Variants in MARK1 observed in about 807,000 individuals in gnomAD.
The protein encoded by MARK1 is microtubule affinity regulating kinase 1, also known as serine/threonine-protein kinase MARK1.
MARK1 carries 40 observed loss-of-function variants against 96.3 expected under a neutral mutation model. The ratio of observed to expected loss-of-function variants is 0.42; its 90% CI spans 0.32 to 0.54. The LOEUF (loss-of-function observed/expected upper bound fraction) is 0.54, where lower values mean the gene tolerates loss of function less well. MARK1 is among the 20% of genes least tolerant of loss of function. The pLI is 0.16. For missense variants in MARK1, 719 were observed against 984.6 expected (o/e 0.73, Z 3.61); for synonymous variants, 317 against 341.2 (o/e 0.93, Z 0.78).
chr1:220,598,398 TTATA>T lies in MARK1; in HGVS notation c.358+36_358+39del, dbSNP rs5781180. ...AATATAGGTATGAAATATATATATA[TTATA>T]TATATATATATATATAATTAGCGAT... On this transcript the variant is annotated intron_variant, in intron 4 of 17. Coordinates refer to ENST00000366917, the MANE Select transcript of MARK1 (RefSeq NM_018650.5). The T allele has an allele frequency of 8.9e-5, 19 of 213,778 alleles. No individual in the cohort carries two copies. Among genetic ancestry groups the T allele is most frequent in the East Asian group, 1.6e-4 (1 of 6,346 alleles). 13.2% of individuals were successfully genotyped at this position (213,778 alleles called of 1,614,324 possible).
At chr1:220,656,051 T>C (rs527790087) in intron 16 of MARK1, among the ~76,000 whole-genome samples, 1 of 152,346 alleles carries the variant, frequency 6.6e-6, no homozygotes, top group Admixed American at 6.5e-5. Flanking sequence ...TTTCTAACCA[T>C]AGCTCATTCT....
intron 1 of MARK1, among the ~76,000 whole-genome samples, chr1:220,554,946 A>G (rs981236283): frequency 6.6e-6 from 1 of 152,228 alleles, no homozygotes; most frequent in African/African-American, 2.4e-5. Flanking sequence ...GGTAAGCCCA[A>G]GCAGTTCTAA....
chr1:220,607,695 TG>T (rs1223560717), intron 6 of MARK1, among the ~76,000 whole-genome samples: 1 of 152,162 alleles, frequency 6.6e-6, no homozygotes, highest in Non-Finnish European at 1.5e-5. Context: ...GCTGTGGGTT[TG>T]TCATAAATAG....
At chr1:220,613,756 C>G (rs1174726112) in intron 6 of MARK1, among the ~76,000 whole-genome samples, 1 of 152,092 alleles carries the variant, frequency 6.6e-6, no homozygotes, top group African/African-American at 2.4e-5. Flanking sequence ...AAATTTTCAT[C>G]ATTAGAACCT....
chr1:220,530,473 C>T (rs938891342), intron 1 of MARK1, among the ~76,000 whole-genome samples: 1 of 152,066 alleles, frequency 6.6e-6, no homozygotes, highest in African/African-American at 2.4e-5. Flanking sequence ...CAGATGATAA[C>T]CTTTGTTTTT....
At chr1:220,608,268 C>A (rs1277651020) in intron 6 of MARK1, among the ~76,000 whole-genome samples, 1 of 152,144 alleles carries the variant, frequency 6.6e-6, no homozygotes, top group Non-Finnish European at 1.5e-5. Context: ...CAACGTACTC[C>A]TCGTTTAGTC....
chr1:220,649,228 T>C (rs1246820743), intron 13 of MARK1, among the ~76,000 whole-genome samples: 1 of 131,530 alleles, frequency 7.6e-6, no homozygotes, highest in Non-Finnish European at 1.5e-5. Context: ...GGACCAAGTC[T>C]TTTTTTTTTT....
intron 9 of MARK1, among the ~76,000 whole-genome samples, chr1:220,624,078 A>AC (rs1667185487): frequency 6.6e-6 from 1 of 152,120 alleles, no homozygotes; most frequent in Admixed American, 6.5e-5. Flanking sequence ...GGGGCGGATC[A>AC]CCTAAGGTCA....
intron 5 of MARK1, among the ~76,000 whole-genome samples, chr1:220,602,687 T>C (rs968535270): frequency 6.6e-6 from 1 of 152,144 alleles, no homozygotes; most frequent in Admixed American, 6.5e-5. Flanking sequence ...GAGCATCCAT[T>C]CATTTCTCTG....
At chr1:220,561,986 A>G (rs1185865023) in intron 1 of MARK1, among the ~76,000 whole-genome samples, 1 of 152,214 alleles carries the variant, frequency 6.6e-6, no homozygotes, top group African/African-American at 2.4e-5. Flanking sequence ...TCCTTTTAAG[A>G]GAGAACATTT....
intron 3 of MARK1, among the ~76,000 whole-genome samples, chr1:220,594,912 G>A (rs1243188494): frequency 6.6e-6 from 1 of 152,180 alleles, no homozygotes; most frequent in Non-Finnish European, 1.5e-5. Flanking sequence ...AGCAGTGTTA[G>A]TATTAGTCTA....
At chr1:220,604,178 T>C (rs1365970213) in intron 6 of MARK1, 41 bp downstream of exon 6, 1 of 1,378,476 alleles carries the variant, frequency 7.3e-7, no homozygotes, top group Non-Finnish European at 1.0e-6. Flanking sequence ...CTGATAATTG[T>C]AGCGATGTAC....
intron 1 of MARK1, among the ~76,000 whole-genome samples, chr1:220,530,561 A>G (rs1000634454): frequency 7.9e-5 from 12 of 152,218 alleles, no homozygotes; most frequent in Non-Finnish European, 1.6e-4. Context: ...GATTTTGAAT[A>G]GTATAGCTTT....
intron 13 of MARK1, among the ~76,000 whole-genome samples, chr1:220,644,174 T>C (rs1049484297): frequency 4.6e-5 from 7 of 152,036 alleles, no homozygotes; most frequent in African/African-American, 1.2e-4. Flanking sequence ...AAGAGACATA[T>C]CTCATGTGCA....
chr1:220,564,900 G>A (rs1429411606), intron 1 of MARK1, among the ~76,000 whole-genome samples: 1 of 152,036 alleles, frequency 6.6e-6, no homozygotes, highest in African/African-American at 2.4e-5. Context: ...TACCAAAGAA[G>A]AAGTATCCAA....
At chr1:220,645,230 G>A (rs2103038176) in intron 13 of MARK1, among the ~76,000 whole-genome samples, 1 of 152,212 alleles carries the variant, frequency 6.6e-6, no homozygotes, top group Non-Finnish European at 1.5e-5. Context: ...ATGATAAGGA[G>A]GATGCCACCA....
At chr1:220,576,755 A>T (rs750621198) in intron 1 of MARK1, 5 of 152,180 alleles carry the variant, frequency 3.3e-5, no homozygotes, top group Non-Finnish European at 7.3e-5. Context: ...CAAATGCCTT[A>T]TTTGTGCCTA....
rs1301041353 is a variant in MARK1 at position 220,528,146 on chromosome 1, G to A, written c.-677G>A. 6.6e-6 allele frequency: 1 copy of A among 150,834 alleles called. No individual in the cohort carries two copies. The highest frequency in any genetic ancestry group is 1.5e-5 in the Non-Finnish European group (1 of 67,526). The allele number at this position is 150,834 out of a possible 1,614,324, so 9.3% of individuals were successfully genotyped here. On this transcript the variant is annotated 5_prime_UTR_variant, in exon 1 of 18. Transcript: ENST00000366917. ...GGCTGGCGCCCGCCCACCCGGCGGC[G>A]GCCGCCAAGTGCCTCTGGGCGCTGC...
At chr1:220,647,550 C>T (rs989672483) in intron 13 of MARK1, among the ~76,000 whole-genome samples, 26 of 152,096 alleles carry the variant, frequency 1.7e-4, no homozygotes, top group African/African-American at 6.0e-4. Flanking sequence ...TAGGTATATA[C>T]CCAAAGGAAT....
Sources: gnomAD v4.1 joint callset for allele counts (sites outside exome capture counted in the v4.1 genomes callset) on GRCh38, gnomAD v4.1.1 for gene constraint, MANE v1.5 for transcripts, NCBI Gene and HGNC (gene_info 2026-07-23, HGNC 2026-07-21) for gene names.